Variants in FAM13A observed in about 807,000 individuals in gnomAD.
FAM13A encodes family with sequence similarity 13 member A.
FAM13A carries 76 observed loss-of-function variants against 129.6 expected under a neutral mutation model. The ratio of observed to expected loss-of-function variants is 0.59; its 90% CI spans 0.49 to 0.71. The LOEUF is 0.71. Ranked by LOEUF, FAM13A falls within the 30% of genes least tolerant of loss-of-function variation. FAM13A has a pLI of 0.00. For synonymous variants in FAM13A, 443 were observed against 449.9 expected, an observed-to-expected ratio of 0.98 and a Z score of 0.20; for missense variants, 1,108 against 1,249.3, an observed-to-expected ratio of 0.89 and a Z score of 1.70.
At position 88,923,757 on chromosome 4, in the gene FAM13A, C is replaced by G. The variant is rs529263542; in HGVS notation, c.759+14331G>C. ...GTATTCAATTAGGAAAAGAGGAAGT[C>G]AAAGTGTCCCTGTTTGCAGATGACA... is the stretch of plus-strand genomic sequence containing the variant. On this transcript the variant is annotated intron_variant, in intron 5 of 23. Transcript: ENST00000264344. 1.8e-3 allele frequency among the ~76,000 whole-genome samples: 281 copies of G among 152,268 alleles called. 2 individuals carry two copies. The highest frequency in any genetic ancestry group is 3.4e-3 in the Middle Eastern group (1 of 294).
At chr4:88,884,444 C>T (rs895572991) in intron 6 of FAM13A, among the ~76,000 whole-genome samples, 1 of 152,086 alleles carries the variant, frequency 6.6e-6, no homozygotes, top group African/African-American at 2.4e-5. Context: ...TTGACAAAAT[C>T]CATCATCGCT....
At chr4:88,939,952 C>A (rs934049168) in intron 4 of FAM13A, among the ~76,000 whole-genome samples, 1 of 152,132 alleles carries the variant, frequency 6.6e-6, no homozygotes, top group Admixed American at 6.5e-5. Flanking sequence ...TAGATAAAAA[C>A]GCAACCCAGT....
chr4:89,025,484 T>C (rs1425792946), intron 2 of FAM13A, among the ~76,000 whole-genome samples: 1 of 151,458 alleles, frequency 6.6e-6, no homozygotes, highest in African/African-American at 2.4e-5. Flanking sequence ...CAGGATGGTC[T>C]CGATCTCCTG....
intron 6 of FAM13A, among the ~76,000 whole-genome samples, chr4:88,896,244 G>C (rs1418765022): frequency 2.0e-5 from 3 of 146,804 alleles, no homozygotes; most frequent in African/African-American, 7.5e-5. Flanking sequence ...CACAGGAAGG[G>C]GAACATCACA....
At chr4:88,946,270 C>T (rs1755833102) in intron 4 of FAM13A, among the ~76,000 whole-genome samples, 1 of 151,748 alleles carries the variant, frequency 6.6e-6, no homozygotes, top group Non-Finnish European at 1.5e-5. Context: ...AGCAGTAGGG[C>T]AGATGCATCA....
intron 7 of FAM13A, among the ~76,000 whole-genome samples, chr4:88,849,571 A>G (rs2149978544): frequency 6.6e-6 from 1 of 152,352 alleles, no homozygotes; most frequent in South Asian, 2.1e-4. Flanking sequence ...TGATCTTTGC[A>G]TCAGTCTATT....
intron 7 of FAM13A, among the ~76,000 whole-genome samples, chr4:88,836,228 T>C (rs931010530): frequency 6.6e-6 from 1 of 152,208 alleles, no homozygotes; most frequent in Non-Finnish European, 1.5e-5. Flanking sequence ...ATGGTAAATT[T>C]TATGTTATAT....
chr4:88,764,614 T>G (rs1413982715), intron 13 of FAM13A, among the ~76,000 whole-genome samples: 1 of 152,222 alleles, frequency 6.6e-6, no homozygotes, highest in Admixed American at 6.5e-5. Flanking sequence ...TTCTGGATAC[T>G]TGTAGTTTGT....
chr4:88,870,823 T>G (rs1046200899), intron 6 of FAM13A, among the ~76,000 whole-genome samples: 3 of 152,194 alleles, frequency 2.0e-5, no homozygotes, highest in African/African-American at 7.2e-5. Flanking sequence ...CCTCCTCAAG[T>G]GGGTCCCAGA....
At chr4:88,903,882 CA>C (rs1747709305) in intron 6 of FAM13A, among the ~76,000 whole-genome samples, 1 of 151,984 alleles carries the variant, frequency 6.6e-6, no homozygotes, top group Admixed American at 6.6e-5. Flanking sequence ...ATCCATCTGA[CA>C]AAGGTCTAAC....
At chr4:88,935,546 A>C (rs765984357) in intron 5 of FAM13A, among the ~76,000 whole-genome samples, 1 of 152,124 alleles carries the variant, frequency 6.6e-6, no homozygotes, top group Non-Finnish European at 1.5e-5. Context: ...AACTGAACTC[A>C]TATGAAAAAA....
Position 88,728,426 on chromosome 4 carries a change from G to T in FAM13A, c.*107C>A, listed in dbSNP as rs768172752. On this transcript the variant is annotated 3_prime_UTR_variant, in exon 24 of 24. Transcript: ENST00000264344. ...CAAATGGTCTAGAGGCAGAAGGGCT[G>T]CATGCTTTGCAGGGCCAGCCCCAAG... 1.7e-5 allele frequency: 24 copies of T among 1,380,878 alleles called. No individual in the cohort carries two copies. The highest frequency in any genetic ancestry group is 2.1e-5 in the Non-Finnish European group (21 of 986,780). The allele number at this position is 1,380,878 out of a possible 1,614,324, so 85.5% of individuals were successfully genotyped here.
chr4:88,944,627 C>T (rs751110680), intron 4 of FAM13A, among the ~76,000 whole-genome samples: 2 of 152,144 alleles, frequency 1.3e-5, no homozygotes, highest in African/African-American at 2.4e-5. Flanking sequence ...TCTGGCAGGG[C>T]ATGGTGGCTC....
intron 3 of FAM13A, among the ~76,000 whole-genome samples, chr4:89,007,261 G>C (rs1305319277): frequency 1.3e-5 from 2 of 152,184 alleles, no homozygotes; most frequent in Non-Finnish European, 2.9e-5. Flanking sequence ...AAACAGGGCA[G>C]AGTGATTCTA....
chr4:88,861,672 T>C (rs114638798), intron 6 of FAM13A, among the ~76,000 whole-genome samples: 61 of 152,286 alleles, frequency 4.0e-4, no homozygotes, highest in African/African-American at 1.4e-3. Flanking sequence ...ATGCTGGCTG[T>C]AGTCTTAAAG....
chr4:89,013,704 T>C lies in FAM13A; in HGVS notation c.427+6756A>G, dbSNP rs947442555. Reference sequence around the variant, plus strand: ...CTTCCAGTCCTATAAAAGTATAGCATACACAATTAGATTCGGTACATAATA... The same window carrying C: ...CTTCCAGTCCTATAAAAGTATAGCACACACAATTAGATTCGGTACATAATA... On this transcript the variant is annotated intron_variant, in intron 3 of 23. Transcript: ENST00000264344. 2.6e-5 allele frequency among the ~76,000 whole-genome samples: 4 copies of C among 152,174 alleles called. No individual in the cohort carries two copies. The East Asian group carries it at 7.7e-4, about 29-fold the overall frequency.
At chr4:88,834,750 C>A (rs1446975397) in intron 7 of FAM13A, among the ~76,000 whole-genome samples, 2 of 152,140 alleles carry the variant, frequency 1.3e-5, no homozygotes, top group Non-Finnish European at 2.9e-5. Flanking sequence ...TCCTAGACTT[C>A]AAATCACTGT....
chr4:88,991,758 G>C (rs1307458382), intron 3 of FAM13A, among the ~76,000 whole-genome samples: 2 of 152,100 alleles, frequency 1.3e-5, no homozygotes, highest in Non-Finnish European at 2.9e-5. Context: ...TTCCTAAACA[G>C]CTTTTTAATC....
At chr4:88,846,843 A>G (rs1736728200) in intron 7 of FAM13A, among the ~76,000 whole-genome samples, 1 of 152,216 alleles carries the variant, frequency 6.6e-6, no homozygotes, top group African/African-American at 2.4e-5. Context: ...CCACACATGC[A>G]CATTTATTTT....
Sources: allele counts gnomAD v4.1 joint callset (sites outside exome capture counted in the v4.1 genomes callset), GRCh38; gene constraint gnomAD v4.1.1; transcripts MANE v1.5; gene names NCBI Gene and HGNC (gene_info 2026-07-23, HGNC 2026-07-21).